PRDM5: variants seen among roughly 807,000 people sequenced by gnomAD.
The protein encoded by PRDM5 is PR domain zinc finger protein 5.
Under a neutral mutation model 81.2 loss-of-function variants are expected in PRDM5, and 56 were observed. The observed-to-expected ratio is 0.69, with a 90% CI of 0.56 to 0.86. The LOEUF (loss-of-function observed/expected upper bound fraction) is 0.86. PRDM5 is among the 40% of genes least tolerant of loss of function. The pLI, the probability that PRDM5 is intolerant of heterozygous loss-of-function variation, is 0.00. For missense variants in PRDM5, 697 were observed against 770.1 expected, an observed-to-expected ratio of 0.91 and a Z score of 1.12; for synonymous variants, 267 against 256.4, an observed-to-expected ratio of 1.04 and a Z score of -0.39.
chr4:120,720,706 G>T (rs377760464), intron 14 of PRDM5, among the ~76,000 whole-genome samples: 3 of 152,016 alleles, frequency 2.0e-5, no homozygotes, highest in Non-Finnish European at 2.9e-5. Context: ...TTTATTCACC[G>T]TCTTATTTTT....
At chr4:120,779,859 G>A (rs1323175755) in intron 12 of PRDM5, among the ~76,000 whole-genome samples, 1 of 151,970 alleles carries the variant, frequency 6.6e-6, no homozygotes, top group South Asian at 2.1e-4. Context: ...GCGGAGAGCC[G>A]AGATGGCACC....
chr4:120,803,301 G>C (rs559034048), intron 8 of PRDM5, among the ~76,000 whole-genome samples: 20 of 152,236 alleles, frequency 1.3e-4, no homozygotes, highest in African/African-American at 4.3e-4. Context: ...TTATCCAGGA[G>C]AACTTACCCA....
At chr4:120,707,118 AG>A (rs2149018353) in intron 15 of PRDM5, among the ~76,000 whole-genome samples, 1 of 152,230 alleles carries the variant, frequency 6.6e-6, no homozygotes, top group East Asian at 1.9e-4. Flanking sequence ...TTATGAAAAA[AG>A]AAAACTACAG....
intron 3 of PRDM5, among the ~76,000 whole-genome samples, chr4:120,825,299 C>T (rs1755815466): frequency 6.6e-6 from 1 of 152,144 alleles, no homozygotes; most frequent in South Asian, 2.1e-4. Context: ...ACTATCATTA[C>T]TATTTAATAA....
chr4:120,871,050 C>G (rs1761733944), intron 2 of PRDM5, among the ~76,000 whole-genome samples: 1 of 152,164 alleles, frequency 6.6e-6, no homozygotes, highest in Non-Finnish European at 1.5e-5. Context: ...TCCAGCCTAT[C>G]CTTGAACACC....
At chr4:120,911,977 A>C (rs1766563076) in intron 1 of PRDM5, among the ~76,000 whole-genome samples, 1 of 152,182 alleles carries the variant, frequency 6.6e-6, no homozygotes, top group South Asian at 2.1e-4. Context: ...GTTCAGGCTA[A>C]CCAGACAGCA....
chr4:120,722,961 C>A (rs941842357), intron 14 of PRDM5, among the ~76,000 whole-genome samples: 13 of 152,202 alleles, frequency 8.5e-5, no homozygotes, highest in African/African-American at 2.9e-4. Flanking sequence ...ATGGCCCTTC[C>A]TCTGAAATTC....
At chr4:120,794,915 C>A (rs148244747) in intron 10 of PRDM5, among the ~76,000 whole-genome samples, 1 of 152,054 alleles carries the variant, frequency 6.6e-6, no homozygotes, top group Non-Finnish European at 1.5e-5. Context: ...CATGAGCCAC[C>A]ACACCCAGCC....
intron 2 of PRDM5, among the ~76,000 whole-genome samples, chr4:120,897,624 T>C (rs1349322989): frequency 6.6e-6 from 1 of 152,244 alleles, no homozygotes; most frequent in Non-Finnish European, 1.5e-5. Flanking sequence ...ATATTTTCAC[T>C]GTCTCACATA....
chr4:120,705,894 C>T (rs774402067), intron 15 of PRDM5, among the ~76,000 whole-genome samples: 9 of 152,002 alleles, frequency 5.9e-5, no homozygotes, highest in East Asian at 1.9e-4. Context: ...CTTATTTTAA[C>T]GTAGAACCAA....
chr4:120,749,124 T>C (rs1743590357), intron 14 of PRDM5, among the ~76,000 whole-genome samples: 1 of 151,522 alleles, frequency 6.6e-6, no homozygotes, highest in Non-Finnish European at 1.5e-5. Context: ...AGCTGAAAAA[T>C]TTACAGTCAT....
At chr4:120,803,356 C>A (rs1578796562) in intron 8 of PRDM5, among the ~76,000 whole-genome samples, 1 of 152,218 alleles carries the variant, frequency 6.6e-6, no homozygotes, top group African/African-American at 2.4e-5. Context: ...AATACAGACA[C>A]ACCACAAAGA....
At chr4:120,710,548 T>C (rs1736816169) in intron 14 of PRDM5, 135 bp from the exon 15 acceptor site, 5 of 747,046 alleles carry the variant, frequency 6.7e-6, no homozygotes, top group Non-Finnish European at 9.4e-6. Context: ...GGTTTGGCTG[T>C]GCCCCACCCA....
chr4:120,850,605 C>A (rs1462709360), intron 3 of PRDM5, among the ~76,000 whole-genome samples: 1 of 152,106 alleles, frequency 6.6e-6, no homozygotes, highest in Non-Finnish European at 1.5e-5. Context: ...GAAATGAAAG[C>A]CACTGTCATT....
chr4:120,719,221 C>T (rs1431987147), intron 14 of PRDM5, among the ~76,000 whole-genome samples: 2 of 152,214 alleles, frequency 1.3e-5, no homozygotes, highest in South Asian at 2.1e-4. Flanking sequence ...AAATATCTCC[C>T]GACATTGCCA....
chr4:120,705,360 CA>C (rs1463661686), intron 15 of PRDM5, among the ~76,000 whole-genome samples: 1 of 151,738 alleles, frequency 6.6e-6, no homozygotes, highest in African/African-American at 2.4e-5. Flanking sequence ...GCCATGAAGA[CA>C]AATAATATAG....
In PRDM5 at chr4:120,797,854, C is replaced by A. The variant is rs116283691; in HGVS notation, c.1188+413G>T. ...TCACAGGCAAAGGATCCAGAATAAC[C>A]TCCTGAGGGGAAAGGAAGTCAAAAA... On this transcript the variant is annotated intron_variant, in intron 10 of 15. Coordinates refer to ENST00000264808, the MANE Select transcript of PRDM5 (RefSeq NM_018699.4). 3.9e-3 allele frequency among the ~76,000 whole-genome samples: 586 copies of A among 152,204 alleles called. 3 individuals carry two copies. The highest frequency in any genetic ancestry group is 0.013 in the African/African-American group (530 of 41,516).
chr4:120,867,626 G>C (rs1761336742), intron 2 of PRDM5, among the ~76,000 whole-genome samples: 1 of 152,152 alleles, frequency 6.6e-6, no homozygotes, highest in Non-Finnish European at 1.5e-5. Flanking sequence ...ACAATAAAGG[G>C]AAGCAGTTGG....
At chr4:120,696,413 T>A (rs528603929) in intron 15 of PRDM5, among the ~76,000 whole-genome samples, 2 of 152,112 alleles carry the variant, frequency 1.3e-5, no homozygotes, top group Non-Finnish European at 2.9e-5. Context: ...CTCACTAGAG[T>A]CTCAGCTCCA....
Sources: allele counts gnomAD v4.1 joint callset (sites outside exome capture counted in the v4.1 genomes callset), GRCh38; gene constraint gnomAD v4.1.1; transcripts MANE v1.5; gene names NCBI Gene and HGNC (gene_info 2026-07-23, HGNC 2026-07-21).